WNK1: variants seen among roughly 807,000 people sequenced by gnomAD.
WNK1 encodes the protein WNK lysine deficient protein kinase 1.
Under a neutral mutation model 222.8 loss-of-function variants are expected in WNK1, and 38 were observed. The ratio of observed to expected loss-of-function variants is 0.17; its 90% CI spans 0.13 to 0.22. The LOEUF (loss-of-function observed/expected upper bound fraction) is 0.22. WNK1 is among the 10% of genes least tolerant of loss of function. The pLI, the probability that WNK1 is intolerant of heterozygous loss-of-function variation, is 1.00. For missense variants in WNK1, 2,348 were observed against 2,918.4 expected (o/e 0.80, Z 4.50); for synonymous variants, 1,090 against 1,092.9 (o/e 1.00, Z 0.05).
At chr12:769,284 C>T (rs1404775539) in intron 1 of WNK1, among the ~76,000 whole-genome samples, 5 of 152,072 alleles carry the variant, frequency 3.3e-5, no homozygotes, top group East Asian at 3.9e-4. Context: ...CTGCAACCTC[C>T]GCCTCCTGGG....
intron 4 of WNK1, among the ~76,000 whole-genome samples, chr12:841,386 C>CT (rs1949613969): frequency 6.6e-6 from 1 of 152,184 alleles, no homozygotes; most frequent in Non-Finnish European, 1.5e-5. Context: ...TGTCTGGCTT[C>CT]TTTCACTTAG....
chr12:872,433 A>G (rs1305784023), intron 9 of WNK1, among the ~76,000 whole-genome samples: 1 of 152,172 alleles, frequency 6.6e-6, no homozygotes, highest in Admixed American at 6.5e-5. Context: ...CACTGTGCCC[A>G]GCCAAAATAT....
At position 857,362 on chromosome 12, in the gene WNK1, T is replaced by C; in HGVS notation, c.1400+113T>C. On this transcript the variant is annotated intron_variant, in intron 5 of 27. Coordinates refer to ENST00000315939, the MANE Select transcript of WNK1 (RefSeq NM_018979.4). The stretch of plus-strand genomic sequence containing the variant: ...TTAATATTTGTGATTGGTTTCTCTA[T>C]TTGTGCCTGTAACATTTTTAAAGGT... 6 of 990,726 alleles carry C rather than the reference T, an allele frequency of 6.1e-6. No homozygotes were observed. The South Asian group carries it at 8.3e-5, about 14-fold the overall frequency. The allele number at this position is 990,726 out of a possible 1,614,324, so 61.4% of individuals were successfully genotyped here. A position where few individuals can be genotyped will look rare whatever the true frequency, so the allele number is the denominator to read the frequency against.
Position 761,074 on chromosome 12 carries a change from C to T in WNK1, c.759+6750C>T, listed in dbSNP as rs564914703. Among the ~76,000 whole-genome samples the T allele has an allele frequency of 6.1e-5, 9 of 146,930 alleles. 1 individual carries two copies. The South Asian group carries it at 2.0e-3, about 33-fold the overall frequency. On this transcript the variant is annotated intron_variant, in intron 1 of 27. Coordinates refer to ENST00000315939, the MANE Select transcript of WNK1 (RefSeq NM_018979.4). Reference sequence around the variant, plus strand: ...TGCTGGGATTACAGGCATGAGCCGCCGTTCCTGGTCTATATGTAGTTTTTA... The same window carrying T: ...TGCTGGGATTACAGGCATGAGCCGCTGTTCCTGGTCTATATGTAGTTTTTA...
chr12:812,272 G>A (rs981572646), intron 1 of WNK1, among the ~76,000 whole-genome samples: 5 of 151,998 alleles, frequency 3.3e-5, no homozygotes, highest in Non-Finnish European at 7.4e-5. Flanking sequence ...TTTATCCTTG[G>A]GGAAATGCTA....
chr12:890,363 T>C, intron 21 of WNK1, 90 bp from the exon 22 acceptor site: 1 of 1,339,010 alleles, frequency 7.5e-7, no homozygotes, highest in Non-Finnish European at 1.1e-6. Flanking sequence ...CTTTCTGCCC[T>C]TTTACAAAGA....
In WNK1 at chr12:881,682, C is replaced by T. The variant is rs72650715; in HGVS notation, c.3112-10C>T. ...ACTACCGAGATTTGAGTTATCTTTT[C>T]GATTCACAGAGTACTCAGGGAGTCT... On this transcript the variant is annotated splice_polypyrimidine_tract_variant and intron_variant, in intron 12 of 27. Transcript: ENST00000315939. 1.8e-3 allele frequency: 2,852 copies of T among 1,604,968 alleles called. 4 individuals are homozygous for T. Among genetic ancestry groups the T allele is most frequent in the Non-Finnish European group, 2.2e-3 (2,607 of 1,171,762 alleles).
chr12:829,892 C>T, intron 3 of WNK1, 111 bp from the exon 4 acceptor site: 1 of 1,148,250 alleles, frequency 8.7e-7, no homozygotes, highest in Non-Finnish European at 1.3e-6. Flanking sequence ...CCTTTTTTCT[C>T]CCCATTCCAA....
intron 1 of WNK1, among the ~76,000 whole-genome samples, chr12:812,068 C>T (rs1007309664): frequency 1.3e-5 from 2 of 152,120 alleles, no homozygotes; most frequent in Admixed American, 6.5e-5. Flanking sequence ...AGAAGTCCCC[C>T]GTTTTTTTCC....
intron 8 of WNK1, chr12:865,253 G>A (rs1192573963): frequency 2.0e-6 from 3 of 1,536,014 alleles, no homozygotes; most frequent in East Asian, 4.9e-5. Flanking sequence ...ACTGCCCCGA[G>A]GAAACTTTTG....
chr12:753,828 C>T lies in WNK1; in HGVS notation c.263C>T (p.Ser88Phe). The change falls in exon 1 of 28, where the codon TCC becomes TTC. Residue 88 changes from serine to phenylalanine, a missense_variant. This residue lies in a region of WNK1 where 185 missense variants were observed against 159.2 expected (regional missense o/e 1.16). Coordinates refer to ENST00000315939, the MANE Select transcript of WNK1 (RefSeq NM_018979.4). This position sits in a 1 kb window ranked among gnomAD's most constrained non-coding sequence, Gnocchi z 5.2. Reference sequence around the variant, plus strand: ...TTCCGCCGGAGCGTCATCTGTGACTCCAATGCCACTGCACTGGAGCTTCCC... The same window carrying T: ...TTCCGCCGGAGCGTCATCTGTGACTTCAATGCCACTGCACTGGAGCTTCCC... ...RFFRRSVICD[S>F]NATALELPGL... is the part of the protein sequence containing the mutation. The T allele has an allele frequency of 6.2e-7, 1 of 1,612,780 alleles. No individual in the cohort carries two copies.
chr12:883,533 C>G lies in WNK1; in HGVS notation c.3628C>G (p.Gln1210Glu). The change falls in exon 16 of 28, where the codon CAA becomes GAA. Residue 1210 changes from glutamine (Q) to glutamate (E), a missense_variant. By Grantham distance (29) the Gln-to-Glu change is conservative (BLOSUM62 2). Transcript: ENST00000315939. ...PEGDQGLESL[Q>E]GKDDYGFSGS... ...GGGTGATCAGGGATTGGAGAGTCTA[C>G]AAGGAAAGGATGACTATGGCTTTTC... 1 of 1,612,760 alleles carries G rather than the reference C, an allele frequency of 6.2e-7. No individual in the cohort carries two copies. The highest frequency in any genetic ancestry group is 8.5e-7 in the Non-Finnish European group (1 of 1,179,230).
At chr12:831,314 G>A (rs1431292067) in intron 4 of WNK1, among the ~76,000 whole-genome samples, 1 of 151,968 alleles carries the variant, frequency 6.6e-6, no homozygotes, top group African/African-American at 2.4e-5. Flanking sequence ...GAGGCAGGTG[G>A]ATCCCTTGAG....
At chr12:861,634 C>T (rs10849570) in intron 7 of WNK1, among the ~76,000 whole-genome samples, 124,259 of 151,866 alleles carry the variant, frequency 0.82, 50,935 homozygotes, top group East Asian at 0.96. Context: ...TTAAATAAAA[C>T]AGATTTAATA....
At chr12:874,141 G>A (rs1390645583) in intron 9 of WNK1, among the ~76,000 whole-genome samples, 1 of 151,442 alleles carries the variant, frequency 6.6e-6, no homozygotes, top group African/African-American at 2.4e-5. Flanking sequence ...GGGCAACAGA[G>A]CATGACTCAT....
At chr12:869,927 A>G (rs954116021) in intron 8 of WNK1, among the ~76,000 whole-genome samples, 2 of 152,136 alleles carry the variant, frequency 1.3e-5, no homozygotes, top group African/African-American at 4.8e-5. Context: ...GTGTATGAGC[A>G]TATACACACT....
Position 903,609 on chromosome 12 carries a change from T to C in WNK1, c.6643+2939T>C, listed in dbSNP as rs538148607. Among the ~76,000 whole-genome samples, 8 of 152,294 alleles carry C rather than the reference T, an allele frequency of 5.3e-5. No individual in the cohort carries two copies. The East Asian group carries it at 1.5e-3, about 29-fold the overall frequency. ...TCATCCCACTTTTAAAGGTAGGTGG[T>C]ATTACCCCTGTTGTTCAAATGAAAG... On this transcript the variant is annotated intron_variant, in intron 26 of 27. Coordinates refer to ENST00000315939, the MANE Select transcript of WNK1 (RefSeq NM_018979.4).
intron 19 of WNK1, among the ~76,000 whole-genome samples, chr12:886,988 G>A (rs1321475010): frequency 2.0e-5 from 3 of 152,020 alleles, no homozygotes; most frequent in African/African-American, 2.4e-5. Flanking sequence ...ACTTTTTACT[G>A]TATTTTACTA....
chr12:807,667 T>C (rs1465543167), intron 1 of WNK1, among the ~76,000 whole-genome samples: 1 of 151,914 alleles, frequency 6.6e-6, no homozygotes, highest in African/African-American at 2.4e-5. Context: ...GAGTAACATT[T>C]GTCTCTGAAG....
Sources: gnomAD v4.1 joint callset for allele counts (sites outside exome capture counted in the v4.1 genomes callset) on GRCh38, gnomAD v4.1.1 for gene constraint, gnomAD v4.1.1 regional missense constraint, Gnocchi (gnomAD v3.1) non-coding constraint, MANE v1.5 for transcripts, NCBI Gene and HGNC (gene_info 2026-07-23, HGNC 2026-07-21) for gene names.